Variants in WDR27 observed in about 807,000 individuals in gnomAD.
WDR27 encodes the protein WD repeat domain 27, also known as WD repeat-containing protein 27.
In WDR27, 100 loss-of-function variants were observed where a neutral mutation model predicts 114.4. That is an observed-to-expected ratio of 0.87 (90% confidence interval 0.74 to 1.03). The LOEUF (loss-of-function observed/expected upper bound fraction) is 1.03, where lower values mean the gene tolerates loss of function less well. Ranked by LOEUF, WDR27 falls within the 50% of genes least tolerant of loss-of-function variation. WDR27 has a pLI of 0.00. For synonymous variants in WDR27, 449 were observed against 423.1 expected, an observed-to-expected ratio of 1.06 and a Z score of -0.75; for missense variants, 1,129 against 1,092.9, an observed-to-expected ratio of 1.03 and a Z score of -0.47.
chr6:169,546,083 A>G (rs1381195553), intron 25 of WDR27, among the ~76,000 whole-genome samples: 1 of 152,148 alleles, frequency 6.6e-6, no homozygotes, highest in African/African-American at 2.4e-5. Context: ...TATCTATCAG[A>G]CACACTTATC....
At chr6:169,562,882 A>G (rs1584237886) in intron 25 of WDR27, among the ~76,000 whole-genome samples, 1 of 152,112 alleles carries the variant, frequency 6.6e-6, no homozygotes, top group South Asian at 2.1e-4. Flanking sequence ...AGGCTCTGGG[A>G]GTTGCAGGTG....
intron 25 of WDR27, among the ~76,000 whole-genome samples, chr6:169,498,932 T>C (rs2115469731): frequency 6.6e-6 from 1 of 152,276 alleles, no homozygotes. Context: ...GTAATAATAC[T>C]GCACGGAACT....
chr6:169,562,860 C>T (rs1013978476), intron 25 of WDR27, among the ~76,000 whole-genome samples: 1 of 152,078 alleles, frequency 6.6e-6, no homozygotes, highest in East Asian at 1.9e-4. Context: ...GAGGGCTCCA[C>T]GGCTCCTGCT....
At chr6:169,668,321 G>A (rs750850408) in intron 4 of WDR27, 136 bp from the exon 5 acceptor site, 23 of 827,020 alleles carry the variant, frequency 2.8e-5, no homozygotes, top group Non-Finnish European at 3.8e-5. Flanking sequence ...GTTAAAAGCC[G>A]ACACTGACTG....
intron 25 of WDR27, among the ~76,000 whole-genome samples, chr6:169,487,401 C>T (rs1414078380): frequency 6.6e-6 from 1 of 152,048 alleles, no homozygotes; most frequent in South Asian, 2.1e-4. Context: ...GGGAGAAGGC[C>T]GTTTGCAAAG....
At chr6:169,629,490 T>C (rs1417047988) in intron 21 of WDR27, among the ~76,000 whole-genome samples, 1 of 152,192 alleles carries the variant, frequency 6.6e-6, no homozygotes, top group Admixed American at 6.5e-5. Context: ...TAAATTATAA[T>C]TGGCTTTGCA....
At chr6:169,531,883 G>A (rs575291051) in intron 25 of WDR27, among the ~76,000 whole-genome samples, 30 of 152,130 alleles carry the variant, frequency 2.0e-4, no homozygotes, top group African/African-American at 5.8e-4. Context: ...CAAACTCCTC[G>A]TGATCCGCCT....
rs118156933 is a variant in WDR27, at chr6:169,486,330, T to A, written c.2646-28696A>T. 7.1e-3 allele frequency among the ~76,000 whole-genome samples: 1,074 copies of A among 152,138 alleles called. 25 individuals carry two copies. The highest frequency in any genetic ancestry group is 0.014 in the Admixed American group (217 of 15,280). Reference sequence around the variant, plus strand: ...GCTACCATTTGACCCAGCAAAGCCATTATTAAGTATATACCCAGTGTACTA... The same window carrying A: ...GCTACCATTTGACCCAGCAAAGCCAATATTAAGTATATACCCAGTGTACTA... On this transcript the variant is annotated intron_variant, in intron 25 of 25. Coordinates refer to ENST00000448612, the MANE Select transcript of WDR27 (RefSeq NM_182552.5).
At chr6:169,449,408 A>G in the WDR27 span, among the ~76,000 whole-genome samples, 1 of 152,350 alleles carries the variant, frequency 6.6e-6, no homozygotes, top group East Asian at 1.9e-4. Flanking sequence ...AGACAAAGGA[A>G]AATTGTGCAA....
At position 169,638,632 on chromosome 6, in the gene WDR27, G is replaced by A. The variant is rs376022459; in HGVS notation, c.1776C>T (p.Cys592=). The change falls in exon 18 of 26, where the codon TGC becomes TGT. Residue 592 remains cysteine (C), a synonymous_variant. Transcript: ENST00000448612. The stretch of plus-strand genomic sequence containing the variant: ...GCAGCCACCTCCGGTCCTGGCTCCA[G>A]CACACGGCATTCACTGCCCCGTCGT... ...SGHDGAVNAV[C]WSQDRRWLLS... The A allele has an allele frequency of 4.4e-6, 7 of 1,605,952 alleles. No individual in the cohort carries two copies. The highest frequency in any genetic ancestry group is 6.0e-6 in the Non-Finnish European group (7 of 1,176,366).
At chr6:169,685,273 A>AG (rs2128323549) in intron 2 of WDR27, among the ~76,000 whole-genome samples, 1 of 152,180 alleles carries the variant, frequency 6.6e-6, no homozygotes, top group African/African-American at 2.4e-5. Flanking sequence ...TCAAAGAAAA[A>AG]AAAAAGCCAA....
intron 1 of WDR27, among the ~76,000 whole-genome samples, chr6:169,696,087 T>C (rs1785859760): frequency 6.6e-6 from 1 of 152,214 alleles, no homozygotes; most frequent in East Asian, 1.9e-4. Context: ...TGCGCTGTTT[T>C]AAACCACCAA....
At position 169,684,109 on chromosome 6, in the gene WDR27, G is replaced by A. The variant is rs527341979; in HGVS notation, c.189+4708C>T. ...TTGCATGGAGCCTGGGACCAGGATC[G>A]GCTGTTGAGACTGGCCCTGCACAAC... is the stretch of plus-strand genomic sequence containing the variant. On this transcript the variant is annotated intron_variant, in intron 2 of 25. Coordinates refer to ENST00000448612, the MANE Select transcript of WDR27 (RefSeq NM_182552.5). The surrounding 1 kb of genome is among the most constrained non-coding windows in gnomAD (Gnocchi z 4.3). Among the ~76,000 whole-genome samples the A allele has an allele frequency of 1.1e-4, 17 of 152,246 alleles. No individual in the cohort carries two copies. Among genetic ancestry groups the A allele is most frequent in the Non-Finnish European group, 2.1e-4 (14 of 68,006 alleles).
chr6:169,580,996 TAATG>T (rs1803308728), intron 24 of WDR27, among the ~76,000 whole-genome samples: 1 of 149,074 alleles, frequency 6.7e-6, no homozygotes, highest in African/African-American at 2.4e-5. Context: ...TCATTATCCT[TAATG>T]AATCAGTGTG....
At chr6:169,561,608 C>T (rs73239003) in intron 25 of WDR27, among the ~76,000 whole-genome samples, 4,672 of 151,222 alleles carry the variant, frequency 0.031, 248 homozygotes, top group African/African-American at 0.11. Context: ...AATGGAAATA[C>T]AAAAAATATC....
rs143338885 is a variant in WDR27 at position 169,603,912 on chromosome 6, T to G, written c.2322-1591A>C. The stretch of plus-strand genomic sequence containing the variant: ...GAAATTTTAAAATTTTTGAAATGAA[T>G]GAAGGTGATAACACAACGTAGTAAA... On this transcript the variant is annotated intron_variant, in intron 22 of 25. Transcript: ENST00000448612. Among the ~76,000 whole-genome samples the G allele has an allele frequency of 6.0e-3, 916 of 152,286 alleles. 10 individuals are homozygous for G. The highest frequency in any genetic ancestry group is 0.02 in the African/African-American group (831 of 41,558).
intron 23 of WDR27, among the ~76,000 whole-genome samples, chr6:169,592,132 C>T (rs1805858356): frequency 6.6e-6 from 1 of 151,980 alleles, no homozygotes; most frequent in Admixed American, 6.6e-5. Flanking sequence ...AGGGCAAGTT[C>T]TCCTCATCAT....
the WDR27 span, among the ~76,000 whole-genome samples, chr6:169,428,231 C>T: frequency 6.6e-6 from 1 of 152,162 alleles, no homozygotes; most frequent in Non-Finnish European, 1.5e-5. Context: ...AAGACTGGGC[C>T]GTCTCTCTTG....
chr6:169,612,467 G>T (rs1034966166), intron 22 of WDR27, among the ~76,000 whole-genome samples: 9 of 150,764 alleles, frequency 6.0e-5, no homozygotes, highest in Admixed American at 2.0e-4. Flanking sequence ...AAAAAATTAG[G>T]TGGGCATGGT....
Sources: allele counts gnomAD v4.1 joint callset (sites outside exome capture counted in the v4.1 genomes callset), GRCh38; gene constraint gnomAD v4.1.1; non-coding constraint Gnocchi (gnomAD v3.1); transcripts MANE v1.5; gene names NCBI Gene and HGNC (gene_info 2026-07-23, HGNC 2026-07-21).